Variants in TPM4 observed in about 807,000 individuals in gnomAD.
The protein encoded by TPM4 is tropomyosin alpha-4 chain.
In TPM4, 17 loss-of-function variants were observed where a neutral mutation model predicts 35.8. That is an observed-to-expected ratio of 0.47 (90% CI 0.32 to 0.71). The LOEUF (loss-of-function observed/expected upper bound fraction) is 0.71, where lower values mean the gene tolerates loss of function less well. TPM4 is among the 30% of genes least tolerant of loss of function. TPM4 has a pLI of 0.03. For missense variants in TPM4, 240 were observed against 320.9 expected (o/e 0.75, Z 1.93); for synonymous variants, 120 against 122.9 (o/e 0.98, Z 0.15).
intron 2 of TPM4, chr19:16,068,035 T>C (rs1258087972): frequency 1.3e-5 from 6 of 449,052 alleles, no homozygotes; most frequent in Non-Finnish European, 2.0e-5. Context: ...TCGTTTGCGC[T>C]GGGAGGTTGT....
intron 4 of TPM4, chr19:16,088,737 C>T (rs940843653): frequency 6.3e-5 from 71 of 1,129,478 alleles, no homozygotes; most frequent in Non-Finnish European, 7.2e-5. Context: ...CTTCCGGAGT[C>T]GGCCTCATCA....
intron 1 of TPM4, among the ~76,000 whole-genome samples, chr19:16,079,138 C>T (rs980648882): frequency 6.6e-6 from 1 of 152,174 alleles, no homozygotes; most frequent in Non-Finnish European, 1.5e-5. Flanking sequence ...TATCTCCCAA[C>T]TCCAGACAGC....
intron 1 of TPM4, among the ~76,000 whole-genome samples, chr19:16,079,162 A>T (rs1415200648): frequency 6.6e-6 from 1 of 152,224 alleles, no homozygotes; most frequent in Admixed American, 6.5e-5. Flanking sequence ...AAATCTGCCA[A>T]AAGCGTTGTT....
At chr19:16,076,945 C>A in intron 1 of TPM4, 2 of 737,270 alleles carry the variant, frequency 2.7e-6, no homozygotes, top group Middle Eastern at 4.9e-4. Context: ...GCCGGCCAAG[C>A]GGGAAATGGG....
chr19:16,092,134 T>C (rs1202528948), intron 5 of TPM4, among the ~76,000 whole-genome samples: 2 of 150,094 alleles, frequency 1.3e-5, no homozygotes, highest in South Asian at 4.2e-4. Flanking sequence ...GCCGAGATCG[T>C]ACCACTGCAC....
intron 2 of TPM4, among the ~76,000 whole-genome samples, chr19:16,071,104 A>T (rs1400331465): frequency 6.6e-6 from 1 of 152,172 alleles, no homozygotes; most frequent in Non-Finnish European, 1.5e-5. Context: ...TGCCCACTGG[A>T]GTAGACTTGG....
chr19:16,074,949 A>C (rs532367865), upstream of TPM4: 1 of 152,256 alleles, frequency 6.6e-6, no homozygotes, highest in East Asian at 1.9e-4. Context: ...AAAATTAGTC[A>C]GTCGTGGTGG....
chr19:16,093,958 T>C (rs1327951269), intron 7 of TPM4, among the ~76,000 whole-genome samples: 3 of 145,608 alleles, frequency 2.1e-5, no homozygotes, highest in African/African-American at 5.1e-5. Context: ...GGCCCTTTTT[T>C]TTTTTTTTTT....
chr19:16,076,009 C>CT (rs780234642), upstream of TPM4: 17 of 1,591,072 alleles, frequency 1.1e-5, no homozygotes, highest in Non-Finnish European at 1.4e-5. Flanking sequence ...CGTGACCCCC[C>CT]CCCCAGGCTG....
At chr19:16,085,887 G>A (rs2090544244) in intron 2 of TPM4, among the ~76,000 whole-genome samples, 1 of 151,732 alleles carries the variant, frequency 6.6e-6, no homozygotes, top group African/African-American at 2.4e-5. Flanking sequence ...TGGCCAACAT[G>A]GCGAAACCCC....
intron 1 of TPM4, chr19:16,076,971 G>A (rs1417715162): frequency 2.0e-6 from 1 of 510,864 alleles, no homozygotes; most frequent in East Asian, 4.8e-5. Context: ...GGGGCGGAGG[G>A]GGTGAGCGAT....
chr19:16,083,795 A>G (rs1024614972), intron 2 of TPM4, among the ~76,000 whole-genome samples: 3 of 133,756 alleles, frequency 2.2e-5, no homozygotes, highest in Non-Finnish European at 4.6e-5. Context: ...GTCTTACTCT[A>G]TCACCCAGGC....
At chr19:16,080,028 C>T (rs1363329937) in intron 1 of TPM4, 2 of 184,666 alleles carry the variant, frequency 1.1e-5, no homozygotes, top group Non-Finnish European at 1.1e-5. Flanking sequence ...TAGCCTTCCC[C>T]AGTTCAGGGA....
At chr19:16,071,971 G>A (rs1418139329), upstream of TPM4, among the ~76,000 whole-genome samples, 6 of 152,188 alleles carry the variant, frequency 3.9e-5, no homozygotes, top group East Asian at 5.8e-4. Flanking sequence ...ACGGGCACGC[G>A]CCACCAGGCC....
chr19:16,091,074 A>G (rs1255964727), intron 5 of TPM4, among the ~76,000 whole-genome samples: 1 of 152,064 alleles, frequency 6.6e-6, no homozygotes, highest in African/African-American at 2.4e-5. Flanking sequence ...TTGTTTTGAG[A>G]TGGAGCCTTG....
chr19:16,097,268 C>CTTTTTTTTTTTTTTTTT (rs890851239), intron 7 of TPM4, among the ~76,000 whole-genome samples: 1 of 143,984 alleles, frequency 6.9e-6, no homozygotes. Flanking sequence ...CTATGCTTTG[C>CTTTTTTTTTTTTTTTTT]TTTTTTTTTT....
chr19:16,076,852 C>T, intron 1 of TPM4, 155 bp downstream of exon 1: 1 of 1,245,486 alleles, frequency 8.0e-7, no homozygotes, highest in Non-Finnish European at 1.0e-6. Flanking sequence ...CCTGCGCCCG[C>T]AGCCAGGACC....
rs2090345515 is a variant in TPM4 at position 16,070,469 on chromosome 19, C to A, written c.114+2731C>A. 6.6e-6 allele frequency among the ~76,000 whole-genome samples: 1 copy of A among 152,184 alleles called. No homozygotes were observed. Among genetic ancestry groups the A allele is most frequent in the African/African-American group, 2.4e-5 (1 of 41,442 alleles). On this transcript the variant is annotated intron_variant, in intron 2 of 2. Coordinates refer to the TPM4 transcript ENST00000589897. The surrounding 1 kb of genome is among the most constrained non-coding windows in gnomAD (Gnocchi z 7.4). ...ATGCCTAGGACCATGGCACCGAGTG[C>A]CCAGCCCCACCCAGGCCAGGAGCCA...
chr19:16,078,192 CA>C (rs1268900094), intron 1 of TPM4: 2 of 398,588 alleles, frequency 5.0e-6, no homozygotes, highest in African/African-American at 2.1e-5. Flanking sequence ...GGGAGCATGA[CA>C]GGGGAGGCTC....
Sources: allele counts gnomAD v4.1 joint callset (sites outside exome capture counted in the v4.1 genomes callset), GRCh38; gene constraint gnomAD v4.1.1; non-coding constraint Gnocchi (gnomAD v3.1); transcripts MANE v1.5; gene names NCBI Gene and HGNC (gene_info 2026-07-23, HGNC 2026-07-21).